SMG6: variants seen among roughly 807,000 people sequenced by gnomAD.
SMG6 encodes the protein telomerase-binding protein EST1A.
In SMG6, 66 loss-of-function variants were observed where a neutral mutation model predicts 142.2. The observed-to-expected ratio is 0.46, with a 90% confidence interval of 0.38 to 0.57. The LOEUF (loss-of-function observed/expected upper bound fraction) is 0.57, where lower values mean the gene tolerates loss of function less well. Ranked by LOEUF, SMG6 falls within the 20% of genes least tolerant of loss-of-function variation. The pLI, the probability that SMG6 is intolerant of heterozygous loss-of-function variation, is 0.00. For missense variants in SMG6, 1,793 were observed against 1,832.0 expected (o/e 0.98, Z 0.39); for synonymous variants, 779 against 702.4 (o/e 1.11, Z -1.72).
At chr17:2,204,007 A>T (rs1380528494) in intron 10 of SMG6, among the ~76,000 whole-genome samples, 1 of 152,122 alleles carries the variant, frequency 6.6e-6, no homozygotes, top group Non-Finnish European at 1.5e-5. Context: ...TCTGTTGCCC[A>T]GGCTGGAGTT....
intron 13 of SMG6, among the ~76,000 whole-genome samples, chr17:2,129,145 C>T (rs758127555): frequency 3.9e-5 from 6 of 151,908 alleles, no homozygotes; most frequent in African/African-American, 1.2e-4. Flanking sequence ...CCCAGGATGG[C>T]GAAACCCCAT....
At chr17:2,209,701 A>G (rs576283571) in intron 10 of SMG6, among the ~76,000 whole-genome samples, 1 of 152,198 alleles carries the variant, frequency 6.6e-6, no homozygotes, top group Non-Finnish European at 1.5e-5. Context: ...GAGTTTCACC[A>G]TGTTGGCCAG....
chr17:2,170,775 A>G (rs1268994381), intron 13 of SMG6, among the ~76,000 whole-genome samples: 1 of 152,246 alleles, frequency 6.6e-6, no homozygotes, highest in Non-Finnish European at 1.5e-5. Flanking sequence ...ACTTACAGCA[A>G]TTTAACCAAA....
At chr17:2,277,356 C>T (rs929267453) in intron 8 of SMG6, among the ~76,000 whole-genome samples, 99 of 151,572 alleles carry the variant, frequency 6.5e-4, no homozygotes, top group South Asian at 1.3e-3. Context: ...TTAGTAGAGA[C>T]GAGGTTTCAC....
At chr17:2,206,058 C>T (rs563139366) in intron 10 of SMG6, among the ~76,000 whole-genome samples, 154 of 152,302 alleles carry the variant, frequency 1.0e-3, no homozygotes, top group Non-Finnish European at 1.9e-3. Context: ...ATCCACCCGC[C>T]TTGGCCTCCC....
intron 13 of SMG6, among the ~76,000 whole-genome samples, chr17:2,098,869 G>A (rs1428547811): frequency 6.6e-6 from 1 of 152,138 alleles, no homozygotes; most frequent in Non-Finnish European, 1.5e-5. Context: ...GACCTCAGGT[G>A]ATCCACCCGC....
intron 15 of SMG6, among the ~76,000 whole-genome samples, chr17:2,072,190 G>A (rs543061124): frequency 2.6e-5 from 4 of 152,186 alleles, no homozygotes; most frequent in Non-Finnish European, 4.4e-5. Flanking sequence ...GGGGGTGAGG[G>A]GGGTGCAACC....
chr17:2,162,479 A>C (rs1468394805), intron 13 of SMG6, among the ~76,000 whole-genome samples: 1 of 138,842 alleles, frequency 7.2e-6, no homozygotes, highest in African/African-American at 2.7e-5. Flanking sequence ...GCACCACTGC[A>C]CTCCAGCCTG....
chr17:2,163,502 T>C (rs1406236872), intron 13 of SMG6, among the ~76,000 whole-genome samples: 4 of 152,328 alleles, frequency 2.6e-5, no homozygotes, highest in Admixed American at 2.6e-4. Flanking sequence ...TTTGTTTGAT[T>C]CTAATATGTA....
In SMG6 at chr17:2,182,727, C is replaced by T. The variant is rs1389839129; in HGVS notation, c.3155+3936G>A. 2.0e-5 allele frequency among the ~76,000 whole-genome samples: 3 copies of T among 152,154 alleles called. No homozygotes were observed. In the East Asian group the frequency reaches 5.8e-4, roughly 29 times the overall value. On this transcript the variant is annotated intron_variant, in intron 12 of 18. Coordinates refer to ENST00000263073, the MANE Select transcript of SMG6 (RefSeq NM_017575.5). Reference sequence around the variant, plus strand: ...AGCCAGGGTCTCCATAATCTATCCCCCAGCATTACTTCTCTCCAGAGAAGA... The same window carrying T: ...AGCCAGGGTCTCCATAATCTATCCCTCAGCATTACTTCTCTCCAGAGAAGA...
At chr17:2,233,761 T>C (rs773722307) in intron 10 of SMG6, among the ~76,000 whole-genome samples, 38 of 149,216 alleles carry the variant, frequency 2.5e-4, no homozygotes, top group Non-Finnish European at 4.4e-4. Context: ...AGATGATGAC[T>C]CATGTGCTGG....
intron 10 of SMG6, among the ~76,000 whole-genome samples, chr17:2,199,081 C>G (rs914497265): frequency 4.6e-5 from 7 of 151,336 alleles, no homozygotes; most frequent in African/African-American, 1.7e-4. Flanking sequence ...CCACAGCAAG[C>G]AGCACAAGAT....
At chr17:2,209,060 G>A (rs2072772084) in intron 10 of SMG6, among the ~76,000 whole-genome samples, 1 of 152,146 alleles carries the variant, frequency 6.6e-6, no homozygotes, top group Admixed American at 6.5e-5. Context: ...AGATACTGGG[G>A]AGGTGAGGTA....
chr17:2,277,062 T>C (rs1248762320), intron 8 of SMG6, among the ~76,000 whole-genome samples: 1 of 152,176 alleles, frequency 6.6e-6, no homozygotes, highest in African/African-American at 2.4e-5. Context: ...ATTACAGGCA[T>C]GAGCCACTGC....
chr17:2,167,704 C>T (rs1028118488), intron 13 of SMG6, among the ~76,000 whole-genome samples: 3 of 152,108 alleles, frequency 2.0e-5, no homozygotes, highest in Non-Finnish European at 4.4e-5. Flanking sequence ...ATACGTGTTT[C>T]GTAAGTATCT....
intron 10 of SMG6, among the ~76,000 whole-genome samples, chr17:2,198,393 G>A (rs1319998171): frequency 6.6e-6 from 1 of 152,188 alleles, no homozygotes; most frequent in African/African-American, 2.4e-5. Flanking sequence ...AGCTTTGAGT[G>A]TTGGGAAAGT....
chr17:2,287,740 C>T (rs2074939247), intron 6 of SMG6, among the ~76,000 whole-genome samples: 1 of 152,172 alleles, frequency 6.6e-6, no homozygotes. Context: ...AATTCTGACA[C>T]ATGCTACAAC....
At chr17:2,292,409 A>G in intron 6 of SMG6, 143 bp downstream of exon 6, 3 of 785,124 alleles carry the variant, frequency 3.8e-6, no homozygotes, top group Non-Finnish European at 6.3e-6. Flanking sequence ...TCTGAGAGTA[A>G]CCGTAACAAA....
At chr17:2,258,033 A>T (rs2074228307) in intron 8 of SMG6, among the ~76,000 whole-genome samples, 2 of 92,318 alleles carry the variant, frequency 2.2e-5, no homozygotes, top group African/African-American at 3.6e-5. Context: ...AAAAAAAAAA[A>T]AATATACACA....
Sources: allele counts gnomAD v4.1 joint callset (sites outside exome capture counted in the v4.1 genomes callset), GRCh38; gene constraint gnomAD v4.1.1; transcripts MANE v1.5; gene names NCBI Gene and HGNC (gene_info 2026-07-23, HGNC 2026-07-21).